Variants in ANKRD11 observed in about 807,000 individuals in gnomAD.
The protein encoded by ANKRD11 is ankyrin repeat domain-containing protein 11.
ANKRD11 carries 17 observed loss-of-function variants against 195.7 expected under a neutral mutation model. That is an observed-to-expected ratio of 0.09 (90% confidence interval 0.06 to 0.13). The LOEUF (loss-of-function observed/expected upper bound fraction) is 0.13. Among genes scored for constraint, ANKRD11 ranks in the 10% least tolerant of loss-of-function variants. ANKRD11 has a pLI of 1.00. For missense variants in ANKRD11, 3,735 were observed against 3,566.1 expected, an observed-to-expected ratio of 1.05 and a Z score of -1.21; for synonymous variants, 1,953 against 1,528.1, an observed-to-expected ratio of 1.28 and a Z score of -6.49.
chr16:89,322,491 C>T (rs1221371412), intron 2 of ANKRD11, among the ~76,000 whole-genome samples: 2 of 152,222 alleles, frequency 1.3e-5, no homozygotes, highest in Non-Finnish European at 2.9e-5. Flanking sequence ...CACGCAGGCA[C>T]GTGGCCTCAG....
At chr16:89,462,303 G>T (rs975183190) in intron 1 of ANKRD11, among the ~76,000 whole-genome samples, 1 of 152,198 alleles carries the variant, frequency 6.6e-6, no homozygotes, top group Non-Finnish European at 1.5e-5. Flanking sequence ...GCCCCTAACC[G>T]CAAGTGATCC....
At chr16:89,346,975 G>C (rs1472211809) in intron 2 of ANKRD11, among the ~76,000 whole-genome samples, 1 of 152,230 alleles carries the variant, frequency 6.6e-6, no homozygotes, top group Non-Finnish European at 1.5e-5. Flanking sequence ...AGACAAAATA[G>C]GAAGGCGCGA....
At chr16:89,384,206 C>T (rs1295870948) in intron 2 of ANKRD11, among the ~76,000 whole-genome samples, 2 of 152,100 alleles carry the variant, frequency 1.3e-5, no homozygotes, top group African/African-American at 2.4e-5. Flanking sequence ...GGTGACAGAG[C>T]GAGACTCCAT....
Position 89,281,889 on chromosome 16 carries a change from C to A in ANKRD11, c.4653G>T (p.Gly1551=). 2 of 1,613,860 alleles carry A rather than the reference C, an allele frequency of 1.2e-6. No individual in the cohort carries two copies. The highest frequency in any genetic ancestry group is 1.7e-6 in the Non-Finnish European group (2 of 1,180,030). The change falls in exon 9 of 13, where the codon GGG becomes GGT. Residue 1551 remains glycine, a synonymous_variant. Coordinates refer to ENST00000301030, the MANE Select transcript of ANKRD11 (RefSeq NM_013275.6). This position sits in a 1 kb window ranked among gnomAD's most constrained non-coding sequence, Gnocchi z 5.5. ...EKGDPVKMSN[G]NDKVAPSKDP... is the part of the protein sequence containing the mutation. Reference sequence around the variant, plus strand: ...CTTTGGATGGCGCTACCTTATCATTCCCGTTGCTCATCTTCACTGGGTCGC... The same window carrying A: ...CTTTGGATGGCGCTACCTTATCATTACCGTTGCTCATCTTCACTGGGTCGC...
intron 1 of ANKRD11, among the ~76,000 whole-genome samples, chr16:89,430,540 G>C (rs527877861): frequency 1.3e-5 from 2 of 152,012 alleles, no homozygotes; most frequent in South Asian, 4.2e-4. Context: ...ACGCTCAGAC[G>C]TTCTAGTACA....
At chr16:89,295,766 G>A (rs1010031274) in intron 4 of ANKRD11, among the ~76,000 whole-genome samples, 17 of 142,742 alleles carry the variant, frequency 1.2e-4, no homozygotes, top group African/African-American at 3.9e-4. Context: ...GGTGCCCTGT[G>A]CTGGTGGGAT....
intron 1 of ANKRD11, among the ~76,000 whole-genome samples, chr16:89,435,951 C>T (rs1298527970): frequency 6.6e-6 from 1 of 152,184 alleles, no homozygotes; most frequent in Non-Finnish European, 1.5e-5. Context: ...TCAAGAACAG[C>T]CAGTTGTGTC....
chr16:89,447,622 T>C (rs2043853028), intron 1 of ANKRD11, among the ~76,000 whole-genome samples: 1 of 152,096 alleles, frequency 6.6e-6, no homozygotes. Context: ...ACATTCCACC[T>C]GTTCTCACTC....
At chr16:89,488,451 T>G (rs978331436) in intron 1 of ANKRD11, among the ~76,000 whole-genome samples, 3 of 130,508 alleles carry the variant, frequency 2.3e-5, no homozygotes, top group African/African-American at 9.4e-5. Flanking sequence ...CCCCCCCCCC[T>G]TTTTTTCTAG....
intron 2 of ANKRD11, among the ~76,000 whole-genome samples, chr16:89,326,697 G>C (rs2037743582): frequency 6.6e-6 from 1 of 152,118 alleles, no homozygotes; most frequent in Admixed American, 6.5e-5. Context: ...AGCTAAGATT[G>C]CACCACTGCA....
intron 2 of ANKRD11, chr16:89,324,187 CAG>C: frequency 8.6e-7 from 1 of 1,167,920 alleles, no homozygotes; most frequent in Non-Finnish European, 1.1e-6. Context: ...CGGGGGGTGG[CAG>C]CACCGAGAGC....
chr16:89,461,691 A>T lies in ANKRD11; in HGVS notation c.-145+28554T>A, dbSNP rs73263100. ...TACTAAACAAGGAAAAGCTCATAGA[A>T]TTACTAACTATGCCATCTTATTTAG... On this transcript the variant is annotated intron_variant, in intron 1 of 12. Coordinates refer to ENST00000301030, the MANE Select transcript of ANKRD11 (RefSeq NM_013275.6). 4.7e-3 allele frequency among the ~76,000 whole-genome samples: 712 copies of T among 152,316 alleles called. 8 individuals are homozygous for T. The highest frequency in any genetic ancestry group is 0.016 in the African/African-American group (670 of 41,564).
Position 89,288,660 on chromosome 16 carries a change from C to G in ANKRD11, c.612G>C (p.Ala204=). Residue 204 remains alanine, a synonymous_variant, in exon 7 of 13, where the codon GCG becomes GCC. Transcript: ENST00000301030. The part of the protein sequence containing the change: ...VNVKDFAGWT[A]LHEACNRGYY... ...AGCCCCGGTTACAGGCCTCGTGCAGCGCCGTCCAGCCTGGAAACAGACACT... is the reference window on the plus strand; with the variant it reads ...AGCCCCGGTTACAGGCCTCGTGCAGGGCCGTCCAGCCTGGAAACAGACACT... 6.2e-7 allele frequency: 1 copy of G among 1,613,924 alleles called. No homozygotes were observed. Among genetic ancestry groups the G allele is most frequent in the Non-Finnish European group, 8.5e-7 (1 of 1,180,016 alleles).
At chr16:89,481,012 A>G (rs2057427261) in intron 1 of ANKRD11, among the ~76,000 whole-genome samples, 1 of 152,152 alleles carries the variant, frequency 6.6e-6, no homozygotes, top group East Asian at 1.9e-4. Context: ...GTAGGCACAA[A>G]ATAAACAGCA....
intron 1 of ANKRD11, among the ~76,000 whole-genome samples, chr16:89,430,461 A>C (rs918139044): frequency 1.3e-5 from 2 of 150,802 alleles, no homozygotes; most frequent in African/African-American, 4.9e-5. Context: ...CAGTCGTTCT[A>C]GTACACAGCA....
chr16:89,403,811 G>A (rs1281139428), intron 2 of ANKRD11: 3 of 152,108 alleles, frequency 2.0e-5, no homozygotes, highest in Non-Finnish European at 4.4e-5. Flanking sequence ...CATGCGTCTG[G>A]AGTCCCAGCT....
At chr16:89,304,339 C>T (rs181197394) in intron 4 of ANKRD11, among the ~76,000 whole-genome samples, 1,992 of 149,044 alleles carry the variant, frequency 0.013, 57 homozygotes, top group African/African-American at 0.046. Context: ...CAGGCATGCA[C>T]ACACACACGG....
intron 1 of ANKRD11, among the ~76,000 whole-genome samples, chr16:89,456,203 A>G: frequency 6.9e-6 from 1 of 145,484 alleles, no homozygotes; most frequent in Middle Eastern, 3.5e-3. Flanking sequence ...TTGTGCCACT[A>G]TACTCCAGCC....
intron 2 of ANKRD11, among the ~76,000 whole-genome samples, chr16:89,337,007 C>CA (rs60248736): frequency 0.035 from 1,682 of 47,720 alleles, 107 homozygotes; most frequent in East Asian, 0.058. Context: ...CTGGCTCTAC[C>CA]AAAAAAAAAA....
Sources: gnomAD v4.1 joint callset for allele counts (sites outside exome capture counted in the v4.1 genomes callset) on GRCh38, gnomAD v4.1.1 for gene constraint, Gnocchi (gnomAD v3.1) non-coding constraint, MANE v1.5 for transcripts, NCBI Gene and HGNC (gene_info 2026-07-23, HGNC 2026-07-21) for gene names.